The following MAP4 variants were observed in gnomAD, a reference collection of about 807,000 sequenced individuals.
The protein encoded by MAP4 is microtubule associated protein 4, also known as microtubule-associated protein 4.
A neutral mutation model predicts 170.2 loss-of-function variants in MAP4; 76 were observed. The observed-to-expected ratio is 0.45, with a 90% CI of 0.37 to 0.54. MAP4 has a LOEUF of 0.54. Among genes scored for constraint, MAP4 ranks in the 20% least tolerant of loss-of-function variants. The pLI is 0.00. For missense variants in MAP4, 2,506 were observed against 2,748.0 expected, an observed-to-expected ratio of 0.91 and a Z score of 1.97; for synonymous variants, 909 against 994.5, an observed-to-expected ratio of 0.91 and a Z score of 1.62.
chr3:48,027,572 C>T (rs553773183), intron 1 of MAP4, among the ~76,000 whole-genome samples: 24 of 152,254 alleles, frequency 1.6e-4, no homozygotes, highest in African/African-American at 4.3e-4. Flanking sequence ...GGGCCAGGCG[C>T]GTTGGCTCAG....
At chr3:48,048,599 C>G (rs2100125845) in intron 1 of MAP4, among the ~76,000 whole-genome samples, 1 of 146,850 alleles carries the variant, frequency 6.8e-6, no homozygotes, top group Non-Finnish European at 1.5e-5. Context: ...CTCACTGCAT[C>G]CTCAACCTCC....
chr3:47,951,815 T>C (rs1336004163), intron 3 of MAP4, among the ~76,000 whole-genome samples: 3 of 149,042 alleles, frequency 2.0e-5, no homozygotes, highest in Non-Finnish European at 3.0e-5. Context: ...CCGCCCATCG[T>C]CTGGGATGTG....
At chr3:47,985,521 T>C (rs1270832139) in intron 2 of MAP4, among the ~76,000 whole-genome samples, 2 of 152,200 alleles carry the variant, frequency 1.3e-5, no homozygotes, top group Admixed American at 6.5e-5. Context: ...TGAAAGTTAT[T>C]ATCACCAATA....
At chr3:47,890,211 G>GC (rs2098323635) in intron 10 of MAP4, among the ~76,000 whole-genome samples, 1 of 152,074 alleles carries the variant, frequency 6.6e-6, no homozygotes, top group Admixed American at 6.6e-5. Flanking sequence ...CACAATAAGA[G>GC]CTGTGGGGGG....
rs915725433 is a variant in MAP4, at chr3:48,024,831, A to C, written c.-19-25952T>G. 5.9e-5 allele frequency among the ~76,000 whole-genome samples: 9 copies of C among 152,210 alleles called. No individual in the cohort carries two copies. In the East Asian group the frequency reaches 1.7e-3, roughly 29 times the overall value. On this transcript the variant is annotated intron_variant, in intron 1 of 18. Coordinates refer to the MAP4 transcript ENST00000360240. ...AATTATACTAGTTGGTAGGAGAAAC[A>C]GGTCTCCTGACTTTCTATTCAGGGA...
At chr3:47,927,771 G>C (rs947924969) in intron 4 of MAP4, among the ~76,000 whole-genome samples, 1 of 152,058 alleles carries the variant, frequency 6.6e-6, no homozygotes, top group Non-Finnish European at 1.5e-5. Flanking sequence ...CACCGCACCT[G>C]GTCTGTTTTT....
At chr3:47,908,491 C>T (rs1280620549) in intron 9 of MAP4, among the ~76,000 whole-genome samples, 1 of 152,140 alleles carries the variant, frequency 6.6e-6, no homozygotes, top group African/African-American at 2.4e-5. Context: ...ACAAATAAAT[C>T]GGTGCCTACC....
intron 12 of MAP4, among the ~76,000 whole-genome samples, chr3:47,874,656 C>T (rs181969806): frequency 2.1e-4 from 32 of 152,194 alleles, no homozygotes; most frequent in Admixed American, 2.1e-3. Context: ...CAGGCACCTC[C>T]CCTCTGCCCT....
At chr3:48,074,863 TAAAC>T (rs1432623104) in intron 1 of MAP4, among the ~76,000 whole-genome samples, 1 of 151,912 alleles carries the variant, frequency 6.6e-6, no homozygotes, top group Non-Finnish European at 1.5e-5. Flanking sequence ...ATTAAAGACA[TAAAC>T]AAATGGAAAG....
intron 3 of MAP4, chr3:47,974,395 A>T (rs2100080728): frequency 1.2e-6 from 1 of 847,986 alleles, no homozygotes; most frequent in African/African-American, 1.8e-5. Context: ...ACCGCACTCC[A>T]GCCTAGGCAA....
Position 47,869,328 on chromosome 3 carries a change from C to G in MAP4, c.6295-1G>C. On this transcript the variant is annotated splice_acceptor_variant, in intron 15 of 20. Transcript: ENST00000683076. LOFTEE classifies it high-confidence loss of function. Reference sequence around the variant, plus strand: ...CCTCTGTTTTTTTCTCTACTTTGGCCTGGATGGAGATAAAGGGAGGGCAAA... The same window carrying G: ...CCTCTGTTTTTTTCTCTACTTTGGCGTGGATGGAGATAAAGGGAGGGCAAA... 2 of 1,604,982 alleles carry G rather than the reference C, an allele frequency of 1.2e-6. No homozygotes were observed. Among genetic ancestry groups the G allele is most frequent in the Non-Finnish European group, 1.7e-6 (2 of 1,171,836 alleles).
Position 48,055,194 on chromosome 3 carries a change from C to CTCTCCG in MAP4, c.-20+33573_-20+33578dup, listed in dbSNP as rs1209559579. Among the ~76,000 whole-genome samples, 208 of 98,728 alleles carry CTCTCCG rather than the reference C, an allele frequency of 2.1e-3. 1 individual carries two copies. Among genetic ancestry groups the CTCTCCG allele is most frequent in the Non-Finnish European group, 3.7e-3 (145 of 39,326 alleles). 64.8% of individuals were successfully genotyped at this position (98,728 alleles called of 152,430 possible). The stretch of plus-strand genomic sequence containing the variant: ...TTAAAAAGTCTCCCTCTCCCTCTCC[C>CTCTCCG]TCTCCGTCTCCGTCTCCGTCTCCGT... On this transcript the variant is annotated intron_variant, in intron 1 of 18. Coordinates refer to the MAP4 transcript ENST00000360240.
At chr3:47,867,364 C>A in intron 16 of MAP4, 26 bp from the exon 17 acceptor site, 1 of 1,500,866 alleles carries the variant, frequency 6.7e-7, no homozygotes, top group Non-Finnish European at 9.3e-7. Context: ...ATAGAAAAAA[C>A]AACACAAAGG....
chr3:47,917,220 C>T (rs370671233), intron 6 of MAP4, 46 bp from the exon 7 acceptor site: 35 of 1,495,814 alleles, frequency 2.3e-5, no homozygotes, highest in Non-Finnish European at 2.7e-5. Context: ...CATACCTTTG[C>T]ATTAAAAATG....
At chr3:47,915,885 G>A (rs116531180) in intron 7 of MAP4, 66 bp downstream of exon 7, 2 of 1,516,840 alleles carry the variant, frequency 1.3e-6, no homozygotes, top group Non-Finnish European at 1.8e-6. Context: ...CATGATGTTT[G>A]TCCTTAGTCT....
intron 1 of MAP4, among the ~76,000 whole-genome samples, chr3:48,079,159 T>A (rs1359064318): frequency 6.6e-6 from 1 of 151,930 alleles, no homozygotes; most frequent in East Asian, 1.9e-4. Flanking sequence ...AGCGAGACCC[T>A]GTCTCAAAAA....
intron 9 of MAP4, among the ~76,000 whole-genome samples, chr3:47,906,164 G>T (rs1341510042): frequency 1.3e-5 from 2 of 151,508 alleles, no homozygotes; most frequent in Non-Finnish European, 2.9e-5. Context: ...GAGTAGAGAT[G>T]TACCTTTCTC....
At chr3:47,937,597 T>C (rs1577961469) in intron 3 of MAP4, among the ~76,000 whole-genome samples, 4 of 151,862 alleles carry the variant, frequency 2.6e-5, no homozygotes, top group South Asian at 4.1e-4. Context: ...AGGTTGAAGG[T>C]AGGAATCAAT....
intron 10 of MAP4, among the ~76,000 whole-genome samples, chr3:47,901,491 C>T (rs1462679980): frequency 6.6e-6 from 1 of 152,058 alleles, no homozygotes; most frequent in Non-Finnish European, 1.5e-5. Context: ...GGTTGTGCAA[C>T]ATGGCCAAAC....
Sources: gnomAD v4.1 joint callset for allele counts (sites outside exome capture counted in the v4.1 genomes callset) on GRCh38, gnomAD v4.1.1 for gene constraint, MANE v1.5 for transcripts, NCBI Gene and HGNC (gene_info 2026-07-23, HGNC 2026-07-21) for gene names.